Variants in RRN3 observed in about 807,000 individuals in gnomAD.
RRN3 encodes the protein RNA polymerase I-specific transcription initiation factor RRN3.
RRN3 carries 38 observed loss-of-function variants against 82.3 expected under a neutral mutation model. The observed-to-expected ratio is 0.46, with a 90% CI of 0.36 to 0.61. The LOEUF is 0.61. RRN3 is among the 20% of genes least tolerant of loss of function. RRN3 has a pLI of 0.00. For missense variants in RRN3, 726 were observed against 793.1 expected (o/e 0.92, Z 1.02); for synonymous variants, 284 against 284.3 (o/e 1.00, Z 0.01).
At position 15,064,921 on chromosome 16, in the gene RRN3, C is replaced by G. The variant is rs188797452; in HGVS notation, c.1706+298G>C. 8.7e-3 allele frequency among the ~76,000 whole-genome samples: 1,325 copies of G among 152,334 alleles called. 7 individuals carry two copies. The highest frequency in any genetic ancestry group is 0.037 in the Middle Eastern group (11 of 294). On this transcript the variant is annotated intron_variant, in intron 16 of 17. Coordinates refer to ENST00000198767, the MANE Select transcript of RRN3 (RefSeq NM_018427.5). ...GTGGCTCACGCCTGTAATCCCAGCA[C>G]TTTGGGAGGCCGAGGCGGGCGGATC...
chr16:15,092,590 C>G lies in RRN3; in HGVS notation c.114G>C (p.Glu38Asp). ...TTGGGGGAGAATTGAAAAAGTCATT[C>G]TCTAATGCACGCATATTTGAAATCC... ...RTGISNMRAL[E>D]NDFFNSPPRK... The change falls in exon 2 of 18, where the codon GAG (glutamate) becomes GAC (aspartate). Residue 38 changes from glutamate to aspartate, a missense_variant. Glu to Asp is a conservative substitution (Grantham distance 45, BLOSUM62 2). Transcript: ENST00000198767. 6.2e-7 allele frequency: 1 copy of G among 1,611,868 alleles called. No homozygotes were observed. Among genetic ancestry groups the G allele is most frequent in the Non-Finnish European group, 8.5e-7 (1 of 1,178,038 alleles).
At chr16:15,090,189 G>C (rs573154989) in intron 3 of RRN3, among the ~76,000 whole-genome samples, 1 of 151,570 alleles carries the variant, frequency 6.6e-6, no homozygotes, top group Non-Finnish European at 1.5e-5. Flanking sequence ...CAGCCTGCGT[G>C]GTAAGAAGGA....
intron 3 of RRN3, among the ~76,000 whole-genome samples, chr16:15,090,466 G>A (rs1238878124): frequency 1.3e-5 from 2 of 152,246 alleles, no homozygotes; most frequent in East Asian, 3.9e-4. Flanking sequence ...TTTAAACATG[G>A]CATGCACCTA....
intron 4 of RRN3, 51 bp from the exon 5 acceptor site, chr16:15,086,309 A>C: frequency 6.2e-7 from 1 of 1,603,596 alleles, no homozygotes; most frequent in Non-Finnish European, 8.5e-7. Context: ...TATAACATAT[A>C]CTATTACCAA....
chr16:15,074,660 A>T (rs1227293247), intron 11 of RRN3, 63 bp downstream of exon 11: 2 of 1,270,246 alleles, frequency 1.6e-6, no homozygotes, highest in African/African-American at 3.0e-5. Flanking sequence ...ATGGATGGAA[A>T]ATGCCCAGCA....
chr16:15,073,522 T>A (rs1510148), intron 11 of RRN3, among the ~76,000 whole-genome samples: 98,073 of 152,096 alleles, frequency 0.64, 33,321 homozygotes, highest in Non-Finnish European at 0.74. Flanking sequence ...TACTTTTAGT[T>A]TACACAGATT....
intron 1 of RRN3, 87 bp from the exon 2 acceptor site, chr16:15,092,701 G>A: frequency 2.2e-6 from 2 of 911,882 alleles, no homozygotes; most frequent in South Asian, 2.9e-5. Flanking sequence ...ACATAATTCA[G>A]TGGAACTATT....
chr16:15,070,998 G>A (rs1447784320), intron 13 of RRN3, 123 bp downstream of exon 13: 6 of 763,156 alleles, frequency 7.9e-6, no homozygotes, highest in East Asian at 2.6e-5. Flanking sequence ...CTTGCACAGA[G>A]TAGGGATTTT....
chr16:15,077,457 T>G (rs919099233), intron 9 of RRN3, among the ~76,000 whole-genome samples: 1 of 152,040 alleles, frequency 6.6e-6, no homozygotes, highest in Non-Finnish European at 1.5e-5. Flanking sequence ...TCTTCCTCAT[T>G]TTCTCTTGCC....
intron 3 of RRN3, among the ~76,000 whole-genome samples, chr16:15,089,675 G>A (rs2046045229): frequency 6.7e-6 from 1 of 149,458 alleles, no homozygotes; most frequent in African/African-American, 2.5e-5. Flanking sequence ...TGGCGGGCGA[G>A]TGTAGTCTCA....
intron 3 of RRN3, among the ~76,000 whole-genome samples, chr16:15,089,574 G>A (rs980372836): frequency 6.6e-5 from 10 of 152,134 alleles, no homozygotes; most frequent in African/African-American, 2.4e-4. Context: ...GCCAAGGCGG[G>A]CGGATCACGA....
rs1186849506 is a variant in RRN3 at position 15,085,814 on chromosome 16, T to C, written c.473-116A>G. The stretch of plus-strand genomic sequence containing the variant: ...AGCTATAAAAAAAGTTATTTTTCCA[T>C]AATCCAAAGTTAGCCCAATGATTAA... On this transcript the variant is annotated intron_variant, in intron 5 of 17. Coordinates refer to ENST00000198767, the MANE Select transcript of RRN3 (RefSeq NM_018427.5). 3.5e-6 allele frequency: 5 copies of C among 1,434,092 alleles called. No individual in the cohort carries two copies. In the East Asian group the frequency reaches 7.4e-5, roughly 21 times the overall value. The allele number at this position is 1,434,092 out of a possible 1,614,324, so 88.8% of individuals were successfully genotyped here. A position where few individuals can be genotyped will look rare whatever the true frequency, so the allele number is the denominator to read the frequency against.
chr16:15,089,642 T>C (rs1298652573), intron 3 of RRN3, among the ~76,000 whole-genome samples: 1 of 150,284 alleles, frequency 6.7e-6, no homozygotes, highest in African/African-American at 2.4e-5. Context: ...CTACTAAAAA[T>C]ACAAAAAATT....
chr16:15,066,636 TA>T (rs67409412), intron 15 of RRN3, among the ~76,000 whole-genome samples: 29,213 of 105,342 alleles, frequency 0.28, 3,674 homozygotes, highest in Middle Eastern at 0.41. Flanking sequence ...TTGTCTCAAA[TA>T]AAAAAAAAAA....
intron 3 of RRN3, among the ~76,000 whole-genome samples, chr16:15,089,253 T>C (rs2046023951): frequency 6.6e-6 from 1 of 151,964 alleles, no homozygotes; most frequent in African/African-American, 2.4e-5. Flanking sequence ...ATCATCCCAC[T>C]ACACTACAGC....
At position 15,076,731 on chromosome 16, in the gene RRN3, T is replaced by A. The variant is rs1169618727; in HGVS notation, c.766-81A>T. On this transcript the variant is annotated intron_variant, in intron 9 of 17. Coordinates refer to ENST00000198767, the MANE Select transcript of RRN3 (RefSeq NM_018427.5). ...TATTTTGGGATGGAAATTCATCTGATATACGCATGTTCAAGGTGTCCAGAT... is the reference window on the plus strand; with the variant it reads ...TATTTTGGGATGGAAATTCATCTGAAATACGCATGTTCAAGGTGTCCAGAT... The A allele has an allele frequency of 6.3e-6, 6 of 957,104 alleles. No individual in the cohort carries two copies. The African/African-American group carries it at 9.8e-5, about 16-fold the overall frequency. 59.3% of individuals were successfully genotyped at this position (957,104 alleles called of 1,614,324 possible).
intron 3 of RRN3, among the ~76,000 whole-genome samples, chr16:15,088,197 G>C (rs1321033418): frequency 1.3e-5 from 2 of 152,136 alleles, no homozygotes; most frequent in African/African-American, 2.4e-5. Flanking sequence ...TAGCAGGCAG[G>C]AACAGTGGCT....
At chr16:15,077,747 A>T (rs1406048531) in intron 9 of RRN3, among the ~76,000 whole-genome samples, 1 of 152,230 alleles carries the variant, frequency 6.6e-6, no homozygotes, top group Non-Finnish European at 1.5e-5. Flanking sequence ...AGGCTGAGGC[A>T]GGAGAACTGC....
intron 3 of RRN3, 109 bp downstream of exon 3, chr16:15,091,206 G>A: frequency 7.5e-7 from 1 of 1,330,948 alleles, no homozygotes; most frequent in Non-Finnish European, 1.0e-6. Context: ...AAATAAGGGA[G>A]GACCATGGAG....
Sources: gnomAD v4.1 joint callset for allele counts (sites outside exome capture counted in the v4.1 genomes callset) on GRCh38, gnomAD v4.1.1 for gene constraint, MANE v1.5 for transcripts, NCBI Gene and HGNC (gene_info 2026-07-23, HGNC 2026-07-21) for gene names.